The following PAIP1 variants were observed in gnomAD, a reference collection of about 807,000 sequenced individuals.
The protein encoded by PAIP1 is poly(A) binding protein interacting protein 1.
In PAIP1, 16 loss-of-function variants were observed where a neutral mutation model predicts 61.3. That is an observed-to-expected ratio of 0.26 (90% CI 0.18 to 0.40). The LOEUF is 0.40. PAIP1 is among the 10% of genes least tolerant of loss of function. The probability of loss-of-function intolerance (pLI) is 1.00; values close to 1 mark genes in which losing one functional copy is unlikely to be tolerated. For missense variants in PAIP1, 416 were observed against 600.9 expected (o/e 0.69, Z 3.22); for synonymous variants, 187 against 226.2 (o/e 0.83, Z 1.56).
intron 5 of PAIP1, among the ~76,000 whole-genome samples, chr5:43,537,667 G>A (rs919815146): frequency 6.6e-6 from 1 of 152,016 alleles, no homozygotes. Flanking sequence ...GGTGTAAGAA[G>A]GTATAAGCTT....
intron 2 of PAIP1, among the ~76,000 whole-genome samples, chr5:43,550,590 G>A (rs1324763616): frequency 6.6e-6 from 1 of 151,992 alleles, no homozygotes; most frequent in Non-Finnish European, 1.5e-5. Context: ...GTTTAACCTA[G>A]AACATTTTGA....
intron 9 of PAIP1, among the ~76,000 whole-genome samples, chr5:43,531,592 G>A (rs1163405853): frequency 7.0e-6 from 1 of 143,154 alleles, no homozygotes; most frequent in Non-Finnish European, 1.5e-5. Context: ...AGGAGGTGGA[G>A]GTTGCAGTAA....
At chr5:43,548,008 C>A (rs1047362749) in intron 2 of PAIP1, 95 bp from the exon 3 acceptor site, 5 of 677,506 alleles carry the variant, frequency 7.4e-6, no homozygotes, top group African/African-American at 1.9e-5. Flanking sequence ...TTTTAAAGAT[C>A]CCTCACATGA....
At chr5:43,546,526 G>C (rs979182228) in intron 3 of PAIP1, among the ~76,000 whole-genome samples, 13 of 152,168 alleles carry the variant, frequency 8.5e-5, no homozygotes, top group Admixed American at 7.9e-4. Flanking sequence ...AGAATAACTT[G>C]GAAAAGCAGC....
Position 43,555,822 on chromosome 5 carries a change from GTACT to G in PAIP1, c.435+4_435+7del. The G allele has an allele frequency of 6.2e-7, 1 of 1,600,898 alleles. No individual in the cohort carries two copies. On this transcript the variant is annotated splice_donor_5th_base_variant and intron_variant, in intron 2 of 10. Coordinates refer to ENST00000306846, the MANE Select transcript of PAIP1 (RefSeq NM_006451.5). ...AACCCAGAGTTGTAGGAAAAAGGGT[GTACT>G]TACTGTGTAACTGGAAGAATAACCT...
intron 2 of PAIP1, among the ~76,000 whole-genome samples, chr5:43,548,880 A>C (rs1005102955): frequency 6.6e-6 from 1 of 152,222 alleles, no homozygotes; most frequent in African/African-American, 2.4e-5. Flanking sequence ...GTGAGTGCAT[A>C]GAAGAAAAAA....
At chr5:43,539,844 A>T (rs913395054) in intron 4 of PAIP1, among the ~76,000 whole-genome samples, 8 of 152,198 alleles carry the variant, frequency 5.3e-5, no homozygotes, top group Non-Finnish European at 1.0e-4. Flanking sequence ...TTACTAACAT[A>T]GATTTTTTAA....
intron 9 of PAIP1, among the ~76,000 whole-genome samples, chr5:43,532,263 C>T (rs1417374576): frequency 6.6e-6 from 1 of 152,146 alleles, no homozygotes; most frequent in Non-Finnish European, 1.5e-5. Context: ...ATTTGTCTTA[C>T]CAGACATAGC....
At chr5:43,531,403 T>C (rs1217499419) in intron 9 of PAIP1, among the ~76,000 whole-genome samples, 1 of 105,248 alleles carries the variant, frequency 9.5e-6, no homozygotes, top group Admixed American at 8.8e-5. Context: ...CTTCAAATGG[T>C]TTAAGAAAAA....
At chr5:43,556,292 C>T in intron 1 of PAIP1, 1 of 1,267,334 alleles carries the variant, frequency 7.9e-7, no homozygotes, top group Non-Finnish European at 9.9e-7. Context: ...GCTAGGGTCT[C>T]GCTTTAGAGG....
At chr5:43,541,996 G>A (rs1381232588) in intron 4 of PAIP1, among the ~76,000 whole-genome samples, 1 of 151,054 alleles carries the variant, frequency 6.6e-6, no homozygotes, top group Admixed American at 6.6e-5. Flanking sequence ...GGCCAACATG[G>A]TGAACCCCAT....
intron 2 of PAIP1, 110 bp downstream of exon 2, chr5:43,555,720 A>C: frequency 1.2e-6 from 1 of 803,870 alleles, no homozygotes; most frequent in East Asian, 2.7e-5. Flanking sequence ...ACAATAAAAA[A>C]ATTTTTTTAC....
At chr5:43,539,572 GA>G (rs1747314496) in intron 4 of PAIP1, among the ~76,000 whole-genome samples, 2 of 112,960 alleles carry the variant, frequency 1.8e-5, no homozygotes, top group Non-Finnish European at 3.9e-5. Flanking sequence ...GTACTAATGT[GA>G]GGAAAAAATT....
chr5:43,546,386 T>C (rs568576247), intron 3 of PAIP1, among the ~76,000 whole-genome samples: 1 of 152,328 alleles, frequency 6.6e-6, no homozygotes, highest in South Asian at 2.1e-4. Flanking sequence ...TATCTCATAT[T>C]CCTTTTCAAT....
At chr5:43,544,684 T>G (rs1379199196) in intron 3 of PAIP1, among the ~76,000 whole-genome samples, 1 of 152,150 alleles carries the variant, frequency 6.6e-6, no homozygotes, top group Non-Finnish European at 1.5e-5. Context: ...GTCCACATAA[T>G]GCCAAAAGTG....
intron 2 of PAIP1, among the ~76,000 whole-genome samples, chr5:43,553,562 A>G (rs150265622): frequency 1.0e-3 from 155 of 152,316 alleles, no homozygotes; most frequent in African/African-American, 3.6e-3. Flanking sequence ...ACTTTGGATT[A>G]TGGCTACTAA....
chr5:43,556,008 G>GAA lies in PAIP1; in HGVS notation c.266-11_266-10dup. On this transcript the variant is annotated splice_polypyrimidine_tract_variant and intron_variant, in intron 1 of 10. Transcript: ENST00000306846. ...CAGGGGCCTCGTTTGCTCTGCAAAA[G>GAA]AAAAAAAAACGGGGCGTCAGATGCA... is the stretch of plus-strand genomic sequence containing the variant. 1 of 1,560,496 alleles carries GAA rather than the reference G, an allele frequency of 6.4e-7. No homozygotes were observed. Among genetic ancestry groups the GAA allele is most frequent in the Non-Finnish European group, 8.7e-7 (1 of 1,152,134 alleles).
At chr5:43,531,052 C>T (rs1028408659) in intron 9 of PAIP1, among the ~76,000 whole-genome samples, 2 of 152,094 alleles carry the variant, frequency 1.3e-5, no homozygotes, top group African/African-American at 4.8e-5. Context: ...GGTATTTTAT[C>T]TTCCCTGCGA....
chr5:43,549,790 G>T (rs974947628), intron 2 of PAIP1, among the ~76,000 whole-genome samples: 2 of 151,988 alleles, frequency 1.3e-5, no homozygotes, highest in Non-Finnish European at 2.9e-5. Context: ...CAAGATCTTG[G>T]CTCACTGCAA....
Sources: allele counts gnomAD v4.1 joint callset (sites outside exome capture counted in the v4.1 genomes callset), GRCh38; gene constraint gnomAD v4.1.1; transcripts MANE v1.5; gene names NCBI Gene and HGNC (gene_info 2026-07-23, HGNC 2026-07-21).